Variants in CLVS1 observed in about 807,000 individuals in gnomAD.
CLVS1 encodes clavesin 1.
Under a neutral mutation model 33.1 loss-of-function variants are expected in CLVS1, and 10 were observed. That is an observed-to-expected ratio of 0.30 (90% CI 0.19 to 0.51). The LOEUF is 0.51. CLVS1 is among the 20% of genes least tolerant of loss of function. The pLI is 0.97. For missense variants in CLVS1, 343 were observed against 433.4 expected, an observed-to-expected ratio of 0.79 and a Z score of 1.85; for synonymous variants, 163 against 166.1, an observed-to-expected ratio of 0.98 and a Z score of 0.14.
At chr8:61,058,144 G>A (rs1804513689) in intron 1 of CLVS1, among the ~76,000 whole-genome samples, 1 of 152,198 alleles carries the variant, frequency 6.6e-6, no homozygotes, top group Non-Finnish European at 1.5e-5. Flanking sequence ...AACTGTAGTG[G>A]GGCATCCTGC....
chr8:61,074,504 T>A (rs964422885), intron 1 of CLVS1, among the ~76,000 whole-genome samples: 2 of 142,942 alleles, frequency 1.4e-5, no homozygotes, highest in African/African-American at 5.1e-5. Context: ...TATATATGTG[T>A]ATATATATGT....
intron 2 of CLVS1, among the ~76,000 whole-genome samples, chr8:61,279,209 A>G (rs1809620261): frequency 6.6e-6 from 1 of 152,152 alleles, no homozygotes; most frequent in African/African-American, 2.4e-5. Context: ...TGATGTCATG[A>G]CAAGCACCTA....
rs540126072 is a variant in CLVS1, at chr8:61,058,771, G to A, written c.-243+1541G>A. ...ATAATAGCTGCATTTTCTAGAATTT[G>A]ATATAAATGGAATTATATAGTGTAT... On this transcript the variant is annotated intron_variant, in intron 1 of 2. Coordinates refer to the CLVS1 transcript ENST00000522621. Among the ~76,000 whole-genome samples, 34 of 152,166 alleles carry A rather than the reference G, an allele frequency of 2.2e-4. 1 individual carries two copies. The highest frequency in any genetic ancestry group is 8.2e-4 in the African/African-American group (34 of 41,502).
rs776000850 is a variant in CLVS1, at chr8:61,358,332, G to A, written c.456-18273G>A. ...CATATAATTATATTGTACACTGTGT[G>A]CAAACACACACACTGTGTGCAAGCC... On this transcript the variant is annotated intron_variant, in intron 2 of 5. Transcript: ENST00000325897. Among the ~76,000 whole-genome samples, 3 of 152,268 alleles carry A rather than the reference G, an allele frequency of 2.0e-5. No homozygotes were observed. In the South Asian group the frequency reaches 6.2e-4, roughly 32 times the overall value.
intron 2 of CLVS1, among the ~76,000 whole-genome samples, chr8:61,187,011 T>C (rs1807356398): frequency 6.6e-6 from 1 of 152,214 alleles, no homozygotes; most frequent in East Asian, 1.9e-4. Context: ...TGCTATGTTG[T>C]ACTACACAGC....
intron 2 of CLVS1, among the ~76,000 whole-genome samples, chr8:61,329,429 A>G (rs888863093): frequency 2.0e-5 from 3 of 152,234 alleles, no homozygotes; most frequent in African/African-American, 7.2e-5. Context: ...CAAAGAGTTA[A>G]ATCAACCTGG....
At chr8:61,328,400 G>T (rs1811463326) in intron 2 of CLVS1, among the ~76,000 whole-genome samples, 1 of 152,120 alleles carries the variant, frequency 6.6e-6, no homozygotes, top group East Asian at 1.9e-4. Context: ...TGAAAGGTGA[G>T]GGTCAACTTG....
chr8:61,300,170 G>A lies in CLVS1; in HGVS notation c.343G>A (p.Asp115Asn). The change falls in exon 2 of 6, where the codon GAT (aspartate) becomes AAT (asparagine). Residue 115 changes from aspartate to asparagine, a missense_variant. By Grantham distance (23) the Asp-to-Asn change is conservative. This residue lies in a region of CLVS1 where 166 missense variants were observed against 244.0 expected (regional missense o/e 0.68). Transcript: ENST00000325897. ...CATGTTCAAAAACTTCAAGGCAGAT[G>A]ATCCCGGCATTAAGAGGGCTCTGAT... ...LDMFKNFKAD[D>N]PGIKRALIDG... 2 of 1,614,040 alleles carry A rather than the reference G, an allele frequency of 1.2e-6. No homozygotes were observed. The highest frequency in any genetic ancestry group is 1.7e-6 in the Non-Finnish European group (2 of 1,179,974).
intron 2 of CLVS1, among the ~76,000 whole-genome samples, chr8:61,206,883 G>A (rs1032298785): frequency 1.3e-5 from 2 of 152,072 alleles, no homozygotes; most frequent in African/African-American, 2.4e-5. Flanking sequence ...CAGTGCGCCC[G>A]GCATCTATCC....
chr8:61,155,215 C>T (rs562428745), intron 2 of CLVS1, among the ~76,000 whole-genome samples: 12 of 152,184 alleles, frequency 7.9e-5, no homozygotes, highest in Non-Finnish European at 1.6e-4. Context: ...CAGGATCTCT[C>T]TCCTAAAGGA....
Position 61,439,223 on chromosome 8 carries a change from T to A in CLVS1, c.631-14918T>A, listed in dbSNP as rs138542422. 1.5e-3 allele frequency among the ~76,000 whole-genome samples: 235 copies of A among 152,360 alleles called. 7 individuals carry two copies. The East Asian group carries it at 0.038, about 25-fold the overall frequency. On this transcript the variant is annotated intron_variant, in intron 3 of 5. Transcript: ENST00000325897. ...CTGCAAATCAGCGATTCAAGTGATC[T>A]GAGTTTCTCCATCAAATGGCTTTTA...
At chr8:61,051,123 T>C in the CLVS1 span, among the ~76,000 whole-genome samples, 1 of 152,178 alleles carries the variant, frequency 6.6e-6, no homozygotes, top group Non-Finnish European at 1.5e-5. Flanking sequence ...TCCTAGAACA[T>C]TAGAGAGCTC....
intron 2 of CLVS1, among the ~76,000 whole-genome samples, chr8:61,350,378 G>C (rs1275664483): frequency 2.0e-5 from 3 of 152,096 alleles, no homozygotes; most frequent in Non-Finnish European, 2.9e-5. Flanking sequence ...TATCTCCCAA[G>C]TGAGCTATTT....
intron 3 of CLVS1, among the ~76,000 whole-genome samples, chr8:61,443,029 A>G (rs1816624186): frequency 6.6e-6 from 1 of 151,926 alleles, no homozygotes; most frequent in South Asian, 2.1e-4. Flanking sequence ...GACATCTTAT[A>G]TTTTCTTTGG....
intron 3 of CLVS1, among the ~76,000 whole-genome samples, chr8:61,445,027 G>A (rs970492443): frequency 6.6e-6 from 1 of 152,054 alleles, no homozygotes; most frequent in African/African-American, 2.4e-5. Context: ...GCTCCTCCCT[G>A]GTCCAGAAGA....
At chr8:61,033,705 T>C in the CLVS1 span, among the ~76,000 whole-genome samples, 8 of 152,304 alleles carry the variant, frequency 5.3e-5, no homozygotes, top group African/African-American at 1.7e-4. Context: ...GGGGGGCACT[T>C]CTGCCTTTAG....
intron 2 of CLVS1, among the ~76,000 whole-genome samples, chr8:61,364,381 C>T (rs1813105912): frequency 6.6e-6 from 1 of 152,198 alleles, no homozygotes; most frequent in African/African-American, 2.4e-5. Context: ...GGAAGATAAA[C>T]TGTTGAAGGA....
chr8:61,354,612 A>T (rs893769906), intron 2 of CLVS1, among the ~76,000 whole-genome samples: 1 of 152,156 alleles, frequency 6.6e-6, no homozygotes, highest in Non-Finnish European at 1.5e-5. Flanking sequence ...GGCTAAAAAA[A>T]CTGGTACATC....
intron 2 of CLVS1, among the ~76,000 whole-genome samples, chr8:61,272,608 C>T (rs962878787): frequency 2.6e-5 from 4 of 152,228 alleles, no homozygotes. Context: ...TGGTTCCATT[C>T]TCCCCATCAC....
Sources: gnomAD v4.1 joint callset for allele counts (sites outside exome capture counted in the v4.1 genomes callset) on GRCh38, gnomAD v4.1.1 for gene constraint, gnomAD v4.1.1 regional missense constraint, MANE v1.5 for transcripts, NCBI Gene and HGNC (gene_info 2026-07-23, HGNC 2026-07-21) for gene names.